Variants in CAMK2A observed in about 807,000 individuals in gnomAD.
CAMK2A encodes the protein calcium/calmodulin dependent protein kinase II alpha, also known as calcium/calmodulin-dependent protein kinase type II subunit alpha.
Under a neutral mutation model 79.2 loss-of-function variants are expected in CAMK2A, and 7 were observed. The observed-to-expected ratio is 0.09, with a 90% confidence interval of 0.05 to 0.17. The LOEUF (loss-of-function observed/expected upper bound fraction) is 0.17. CAMK2A is among the 10% of genes least tolerant of loss of function. CAMK2A has a pLI of 1.00. For missense variants in CAMK2A, 214 were observed against 646.4 expected (o/e 0.33, Z 7.25); for synonymous variants, 242 against 251.7 (o/e 0.96, Z 0.36).
intron 2 of CAMK2A, among the ~76,000 whole-genome samples, chr5:150,271,626 C>T (rs1196676209): frequency 6.6e-6 from 1 of 152,206 alleles, no homozygotes; most frequent in Non-Finnish European, 1.5e-5. Context: ...ACAGCCCATA[C>T]CTGCACCCAC....
intron 11 of CAMK2A, among the ~76,000 whole-genome samples, chr5:150,248,498 A>T (rs1464975698): frequency 3.2e-4 from 18 of 55,738 alleles, no homozygotes; most frequent in Non-Finnish European, 5.7e-4. Flanking sequence ...CCCCCACCCC[A>T]CAACAGGCCC....
intron 1 of CAMK2A, among the ~76,000 whole-genome samples, chr5:150,289,341 A>T (rs1757566329): frequency 6.6e-6 from 1 of 152,148 alleles, no homozygotes. Flanking sequence ...TCATCCCTAC[A>T]TACACACTGG....
intron 14 of CAMK2A, 73 bp from the exon 15 acceptor site, chr5:150,238,821 C>G (rs929207080): frequency 7.5e-7 from 1 of 1,333,402 alleles, no homozygotes; most frequent in South Asian, 1.5e-5. Context: ...CCCTGGCTGC[C>G]TGGTGACGCG....
chr5:150,255,566 T>C (rs114085902), intron 6 of CAMK2A, among the ~76,000 whole-genome samples: 2,040 of 152,310 alleles, frequency 0.013, 54 homozygotes, highest in African/African-American at 0.047. Flanking sequence ...GGTCTCTGTG[T>C]GGTTCCAAAT....
chr5:150,289,040 G>C (rs1348665449), intron 1 of CAMK2A, among the ~76,000 whole-genome samples: 1 of 152,200 alleles, frequency 6.6e-6, no homozygotes, highest in Non-Finnish European at 1.5e-5. Flanking sequence ...CAGGAGCTGA[G>C]AAAGGGGAGG....
rs1425310941 is a variant in CAMK2A at position 150,251,784 on chromosome 5, C to T, written c.659G>A (p.Arg220His). The T allele has an allele frequency of 6.2e-7, 1 of 1,609,586 alleles. No homozygotes were observed. Among genetic ancestry groups the T allele is most frequent in the Admixed American group, 1.7e-5 (1 of 59,352 alleles). ...GCCGGCTTTGATCTGCTGGTACAGG[C>T]GGTGCTGGTCCTCATCCCAGAACGG... ...YPPFWDEDQH[R>H]LYQQIKAGAY... The change falls in exon 9 of 19, where the codon CGC becomes CAC. Residue 220 changes from arginine to histidine, a missense_variant. Physicochemically the swap from Arg to His is conservative, Grantham distance 29. Around this residue, in one of 4 missense-constraint regions of CAMK2A, gnomAD observed 72 missense variants for 333.9 expected, o/e 0.22. Transcript: ENST00000671881.
intron 12 of CAMK2A, among the ~76,000 whole-genome samples, chr5:150,246,835 C>T (rs1335438473): frequency 6.6e-6 from 1 of 152,248 alleles, no homozygotes; most frequent in Non-Finnish European, 1.5e-5. Context: ...CCAGCTGCCC[C>T]CTTCTCAGAG....
chr5:150,227,305 C>A (rs1754647064), intron 17 of CAMK2A, among the ~76,000 whole-genome samples: 1 of 152,132 alleles, frequency 6.6e-6, no homozygotes, highest in Admixed American at 6.5e-5. Context: ...CAGAGTCTTT[C>A]CCCCTGATGG....
chr5:150,251,898 G>C (rs1755854495), intron 8 of CAMK2A, 54 bp from the exon 9 acceptor site: 1 of 1,543,256 alleles, frequency 6.5e-7, no homozygotes, highest in African/African-American at 1.4e-5. Flanking sequence ...GACATGGGGG[G>C]AGGGGAGTGA....
chr5:150,270,881 G>A (rs1756720356), intron 2 of CAMK2A, among the ~76,000 whole-genome samples: 3 of 152,126 alleles, frequency 2.0e-5, no homozygotes, highest in Admixed American at 6.5e-5. Context: ...TCCAAAACAG[G>A]AGCCATGGCC....
chr5:150,260,730 T>A (rs1756271572), intron 3 of CAMK2A, among the ~76,000 whole-genome samples: 1 of 152,238 alleles, frequency 6.6e-6, no homozygotes, highest in Non-Finnish European at 1.5e-5. Context: ...TCATTAAATG[T>A]TAATTCTAGA....
rs746337248 is a variant in CAMK2A at position 150,246,002 on chromosome 5, TG to T, written c.944-802del. On this transcript the variant is annotated intron_variant, in intron 12 of 18. Coordinates refer to ENST00000671881, the MANE Select transcript of CAMK2A (RefSeq NM_015981.4). Reference sequence around the variant, plus strand: ...TTCAGACTTAAGCAAATACCTTAAATGAAACAAGGTATCTGTGAAGTACTTA... The same window carrying T: ...TTCAGACTTAAGCAAATACCTTAAATAAACAAGGTATCTGTGAAGTACTTA... 7.6e-4 allele frequency among the ~76,000 whole-genome samples: 116 copies of T among 152,356 alleles called. 1 individual carries two copies. The highest frequency in any genetic ancestry group is 1.3e-4 in the Non-Finnish European group (9 of 68,028).
intron 1 of CAMK2A, among the ~76,000 whole-genome samples, chr5:150,285,181 T>A (rs578094123): frequency 6.6e-6 from 1 of 152,182 alleles, no homozygotes; most frequent in African/African-American, 2.4e-5. Context: ...TCAGCAGTCT[T>A]CCCCCGATAT....
At chr5:150,231,932 T>C (rs1328512710) in intron 15 of CAMK2A, among the ~76,000 whole-genome samples, 3 of 152,168 alleles carry the variant, frequency 2.0e-5, no homozygotes, top group Non-Finnish European at 4.4e-5. Context: ...TGGGTGCCGA[T>C]AGGAATTAGG....
chr5:150,252,147 G>T, intron 7 of CAMK2A, 82 bp from the exon 8 acceptor site: 2 of 1,078,844 alleles, frequency 1.9e-6, no homozygotes, highest in African/African-American at 1.6e-5. Flanking sequence ...TGCTGGAAGA[G>T]GGGATGAGGA....
chr5:150,222,544 C>T lies in CAMK2A; in HGVS notation c.*166G>A, dbSNP rs1468088603. On this transcript the variant is annotated 3_prime_UTR_variant, in exon 19 of 19. Transcript: ENST00000671881. ...GCCGTTCGCTCTGAAGTTGCGATGA[C>T]TTTTGTGAACAAGCAGGTTTTCTTG... 1 of 789,226 alleles carries T rather than the reference C, an allele frequency of 1.3e-6. No individual in the cohort carries two copies. The highest frequency in any genetic ancestry group is 2.2e-6 in the Non-Finnish European group (1 of 458,874). The allele number at this position is 789,226 out of a possible 1,614,324, so 48.9% of individuals were successfully genotyped here.
intron 2 of CAMK2A, among the ~76,000 whole-genome samples, chr5:150,272,586 A>G (rs186570530): frequency 7.7e-4 from 116 of 150,498 alleles, no homozygotes; most frequent in East Asian, 5.7e-3. Context: ...AAAAAAAAAA[A>G]AGAGAGAGAG....
At chr5:150,231,528 A>G (rs1754842007) in intron 15 of CAMK2A, 148 bp from the exon 16 acceptor site, 1 of 330,062 alleles carries the variant, frequency 3.0e-6, no homozygotes, top group Non-Finnish European at 5.4e-6. Flanking sequence ...GACCTCATGC[A>G]GATGATCTCA....
rs758485087 is a variant in CAMK2A, at chr5:150,257,549, G to T, written c.272+14C>A. ...CAACACCGTTGGCGCATCCCAGGGCGGGGCCAAACTCACAGGTCGAAGATC... is the reference window on the plus strand; with the variant it reads ...CAACACCGTTGGCGCATCCCAGGGCTGGGCCAAACTCACAGGTCGAAGATC... On this transcript the variant is annotated intron_variant, in intron 4 of 18. Coordinates refer to ENST00000671881, the MANE Select transcript of CAMK2A (RefSeq NM_015981.4). 1.0e-5 allele frequency: 16 copies of T among 1,561,606 alleles called. No homozygotes were observed. The highest frequency in any genetic ancestry group is 1.4e-5 in the Non-Finnish European group (16 of 1,152,580).
Sources: gnomAD v4.1 joint callset for allele counts (sites outside exome capture counted in the v4.1 genomes callset) on GRCh38, gnomAD v4.1.1 for gene constraint, gnomAD v4.1.1 regional missense constraint, MANE v1.5 for transcripts, NCBI Gene and HGNC (gene_info 2026-07-23, HGNC 2026-07-21) for gene names.